Variants in ZNF169 observed in about 807,000 individuals in gnomAD.
The protein encoded by ZNF169 is zinc finger protein 169.
In ZNF169, 11 loss-of-function variants were observed where a neutral mutation model predicts 12.0. That is an observed-to-expected ratio of 0.92 (90% CI 0.58 to 1.52). ZNF169 has a LOEUF of 1.52. Among genes scored for constraint, ZNF169 ranks in the 40% most tolerant of loss-of-function variants. The pLI is 0.00. For synonymous variants in ZNF169, 302 were observed against 286.5 expected (o/e 1.05, Z -0.55); for missense variants, 722 against 744.0 (o/e 0.97, Z 0.34).
chr9:94,292,163 T>C (rs1180868556), intron 2 of ZNF169, among the ~76,000 whole-genome samples, 178 bp from the exon 3 acceptor site: 2 of 152,212 alleles, frequency 1.3e-5, no homozygotes, highest in Non-Finnish European at 2.9e-5. Flanking sequence ...CATCAGTGTA[T>C]GGAGGGGATT....
rs141463239 is a variant in ZNF169, at chr9:94,300,001, G to A, written c.443G>A (p.Gly148Asp). ...AAAGGAGAAAGTGGAGAGACAGAAG[G>A]CCCCGACAGCTCATTAAGAAAGAGG... is the stretch of plus-strand genomic sequence containing the variant. ...SEKGESGETEGPDSSLRKRPS... is the reference protein window; with the variant it reads ...SEKGESGETEDPDSSLRKRPS... Residue 148 changes from glycine to aspartate, a missense_variant, in exon 5 of 5, where the codon GGC becomes GAC. By Grantham distance (94) the Gly-to-Asp change is moderately conservative (BLOSUM62 -1). Transcript: ENST00000395395. 2.3e-4 allele frequency: 373 copies of A among 1,614,136 alleles called. 2 individuals carry two copies. In the East Asian group the frequency reaches 8.0e-3, roughly 35 times the overall value.
At chr9:94,281,821 A>C (rs370747702) in intron 2 of ZNF169, among the ~76,000 whole-genome samples, 1 of 152,366 alleles carries the variant, frequency 6.6e-6, no homozygotes, top group African/African-American at 2.4e-5. Flanking sequence ...TGGAATCAAT[A>C]GAAAGAAGAG....
chr9:94,264,230 G>A (rs967236188), intron 1 of ZNF169, among the ~76,000 whole-genome samples: 13 of 152,118 alleles, frequency 8.5e-5, no homozygotes, highest in South Asian at 8.3e-4. Context: ...TCTGCCTCGC[G>A]GGTTCAAGCG....
chr9:94,266,495 A>G (rs992507197), intron 1 of ZNF169, among the ~76,000 whole-genome samples: 1 of 152,296 alleles, frequency 6.6e-6, no homozygotes, highest in Middle Eastern at 3.4e-3. Context: ...GAAACATAGT[A>G]GTGTGCAACA....
At chr9:94,278,108 G>A (rs1564086278) in intron 1 of ZNF169, among the ~76,000 whole-genome samples, 1 of 152,134 alleles carries the variant, frequency 6.6e-6, no homozygotes, top group Non-Finnish European at 1.5e-5. Flanking sequence ...TATCTCTTAA[G>A]AAATATTTTC....
intron 1 of ZNF169, among the ~76,000 whole-genome samples, chr9:94,273,128 T>C (rs1011347476): frequency 6.6e-6 from 1 of 152,190 alleles, no homozygotes; most frequent in Non-Finnish European, 1.5e-5. Context: ...GCTCCTTATT[T>C]GATACATGGT....
In ZNF169 at chr9:94,299,783, G is replaced by A. The variant is rs1014151718; in HGVS notation, c.257-32G>A. The A allele has an allele frequency of 1.0e-5, 16 of 1,581,222 alleles. No individual in the cohort carries two copies. The African/African-American group carries it at 1.8e-4, about 17-fold the overall frequency. ...GGTATTACAATCCATGGTCACCTGT[G>A]GTGATTCTGACCAAGACTTTCTCTC... On this transcript the variant is annotated intron_variant, in intron 4 of 4. Coordinates refer to ENST00000395395, the MANE Select transcript of ZNF169 (RefSeq NM_194320.4).
intron 4 of ZNF169, among the ~76,000 whole-genome samples, chr9:94,298,432 G>A (rs532831371): frequency 8.5e-5 from 13 of 152,084 alleles, no homozygotes; most frequent in Non-Finnish European, 1.8e-4. Context: ...TATAACCCCA[G>A]CACTTTGGGA....
intron 2 of ZNF169, among the ~76,000 whole-genome samples, chr9:94,283,137 G>A (rs1433457198): frequency 6.6e-6 from 1 of 152,202 alleles, no homozygotes; most frequent in Non-Finnish European, 1.5e-5. Flanking sequence ...GGGGCCGGGT[G>A]TGTTGGCTCA....
chr9:94,288,097 T>TAGCC, intron 2 of ZNF169: 1 of 805,800 alleles, frequency 1.2e-6, no homozygotes, highest in Non-Finnish European at 2.2e-6. Context: ...ATCTGGTAGC[T>TAGCC]AGCCAGCCAG....
intron 1 of ZNF169, among the ~76,000 whole-genome samples, chr9:94,277,598 C>T (rs1157270192): frequency 9.9e-5 from 15 of 152,014 alleles, no homozygotes; most frequent in Admixed American, 3.9e-4. Context: ...TTGTAGGGCA[C>T]GACTCCCCAG....
At chr9:94,288,143 G>C (rs1830753682) in intron 2 of ZNF169, 6 of 802,140 alleles carry the variant, frequency 7.5e-6, no homozygotes, top group African/African-American at 3.4e-5. Context: ...CCTGGAATGA[G>C]GGCCCAGCAA....
At chr9:94,281,664 T>G (rs1830634627) in intron 2 of ZNF169, among the ~76,000 whole-genome samples, 2 of 152,146 alleles carry the variant, frequency 1.3e-5, no homozygotes, top group South Asian at 4.1e-4. Flanking sequence ...GTTTTATATA[T>G]TTTGGGGAGG....
At chr9:94,274,523 A>C (rs1346248162) in intron 1 of ZNF169, among the ~76,000 whole-genome samples, 1 of 152,200 alleles carries the variant, frequency 6.6e-6, no homozygotes, top group Non-Finnish European at 1.5e-5. Flanking sequence ...GGCAAATAAT[A>C]TACAGATGTT....
chr9:94,297,107 C>T (rs894495428), intron 4 of ZNF169, among the ~76,000 whole-genome samples: 10 of 150,278 alleles, frequency 6.7e-5, no homozygotes, highest in African/African-American at 2.3e-4. Context: ...AAGTTCTTTT[C>T]GTTATTCTTT....
At chr9:94,269,979 C>T (rs1034190261) in intron 1 of ZNF169, among the ~76,000 whole-genome samples, 27 of 152,104 alleles carry the variant, frequency 1.8e-4, no homozygotes, top group African/African-American at 6.5e-4. Context: ...CCCAAATAAA[C>T]TTGTTTGTGG....
chr9:94,280,467 A>G lies in ZNF169; in HGVS notation c.33+1622A>G, dbSNP rs531708306. Reference sequence around the variant, plus strand: ...CCTAAACCTTATTCTGTCTGTGACCAACTTCTCTCAATATACATTTTTGTT... The same window carrying G: ...CCTAAACCTTATTCTGTCTGTGACCGACTTCTCTCAATATACATTTTTGTT... On this transcript the variant is annotated intron_variant, in intron 2 of 4. Transcript: ENST00000395395. Among the ~76,000 whole-genome samples the G allele has an allele frequency of 1.5e-4, 23 of 152,320 alleles. No homozygotes were observed. The South Asian group carries it at 4.6e-3, about 30-fold the overall frequency.
At chr9:94,270,948 T>TG (rs1161583134) in intron 1 of ZNF169, among the ~76,000 whole-genome samples, 8 of 2,548 alleles carry the variant, frequency 3.1e-3, no homozygotes, top group Non-Finnish European at 3.2e-3. Flanking sequence ...ATATATTATA[T>TG]AAATATATAA....
At chr9:94,273,575 C>CTTTTTTTTTTT (rs768421966) in intron 1 of ZNF169, among the ~76,000 whole-genome samples, 3 of 109,964 alleles carry the variant, frequency 2.7e-5, no homozygotes, top group Non-Finnish European at 5.6e-5. Context: ...AACTTTCTTT[C>CTTTTTTTTTTT]TTTCTTTTTT....
Sources: gnomAD v4.1 joint callset for allele counts (sites outside exome capture counted in the v4.1 genomes callset) on GRCh38, gnomAD v4.1.1 for gene constraint, MANE v1.5 for transcripts, NCBI Gene and HGNC (gene_info 2026-07-23, HGNC 2026-07-21) for gene names.